The following RBM18 variants were observed in gnomAD, a reference collection of about 807,000 sequenced individuals.
RBM18 encodes probable RNA-binding protein 18.
In RBM18, 18 loss-of-function variants were observed where a neutral mutation model predicts 26.4. The ratio of observed to expected loss-of-function variants is 0.68; its 90% CI spans 0.47 to 1.01. The LOEUF (loss-of-function observed/expected upper bound fraction) is 1.01, where lower values mean the gene tolerates loss of function less well. Ranked by LOEUF, RBM18 falls within the 50% of genes least tolerant of loss-of-function variation. The pLI, the probability that RBM18 is intolerant of heterozygous loss-of-function variation, is 0.00. For missense variants in RBM18, 180 were observed against 219.2 expected (o/e 0.82, Z 1.13); for synonymous variants, 74 against 81.1 (o/e 0.91, Z 0.47).
intron 2 of RBM18, chr9:122,254,197 A>T (rs985566413): frequency 3.0e-5 from 6 of 201,216 alleles, no homozygotes; most frequent in Non-Finnish European, 5.2e-5. Context: ...ATTTACTCAG[A>T]AAAAAAAAAA....
intron 2 of RBM18, among the ~76,000 whole-genome samples, chr9:122,256,114 C>A (rs749832243): frequency 1.6e-4 from 24 of 152,134 alleles, no homozygotes; most frequent in Non-Finnish European, 3.1e-4. Context: ...CTGCTAAACA[C>A]CCACAATGAG....
At position 122,241,057 on chromosome 9, in the gene RBM18, C is replaced by G. The variant is rs937524167; in HGVS notation, c.*827G>C. 6.6e-6 allele frequency: 1 copy of G among 152,168 alleles called. No homozygotes were observed. The highest frequency in any genetic ancestry group is 1.5e-5 in the Non-Finnish European group (1 of 68,032). 9.4% of individuals were successfully genotyped at this position (152,168 alleles called of 1,614,324 possible). A position where few individuals can be genotyped will look rare whatever the true frequency, so the allele number is the denominator to read the frequency against. On this transcript the variant is annotated 3_prime_UTR_variant, in exon 6 of 6. Transcript: ENST00000417201. ...GATATAATTCCAAACAGAACATTCT[C>G]ATGCTATAAAAACAATCCCATGCAA...
intron 5 of RBM18, among the ~76,000 whole-genome samples, chr9:122,242,409 T>C (rs911848974): frequency 2.6e-5 from 4 of 152,214 alleles, no homozygotes; most frequent in African/African-American, 4.8e-5. Context: ...ATATTCCTTA[T>C]TTTGCAGATG....
At chr9:122,246,757 A>G (rs531009547) in intron 4 of RBM18, among the ~76,000 whole-genome samples, 1 of 152,274 alleles carries the variant, frequency 6.6e-6, no homozygotes, top group South Asian at 2.1e-4. Context: ...GCTTAGAGCT[A>G]AAGATTTCAG....
intron 3 of RBM18, among the ~76,000 whole-genome samples, chr9:122,247,959 G>T (rs1175878362): frequency 6.6e-6 from 1 of 151,744 alleles, no homozygotes; most frequent in African/African-American, 2.4e-5. Context: ...TAATTTTTTT[G>T]TATTTTTTAG....
chr9:122,262,375 AATACACCTAGAGC>A (rs1415670622), intron 1 of RBM18, among the ~76,000 whole-genome samples: 63 of 152,334 alleles, frequency 4.1e-4, no homozygotes, highest in African/African-American at 1.5e-3. Flanking sequence ...TCACTGAGTT[AATACACCTAGAGC>A]ATTTAGAACC....
At chr9:122,249,215 A>G (rs562572597) in intron 3 of RBM18, among the ~76,000 whole-genome samples, 28 of 152,214 alleles carry the variant, frequency 1.8e-4, no homozygotes, top group Non-Finnish European at 3.1e-4. Context: ...ACTTTCATCT[A>G]TTCTCCCAAC....
At chr9:122,242,964 T>A (rs1831446099) in intron 5 of RBM18, among the ~76,000 whole-genome samples, 1 of 152,110 alleles carries the variant, frequency 6.6e-6, no homozygotes, top group South Asian at 2.1e-4. Flanking sequence ...GTAGCCGGGA[T>A]TACAGGTAGC....
At chr9:122,263,743 G>C (rs1023564348) in intron 1 of RBM18, among the ~76,000 whole-genome samples, 3 of 152,166 alleles carry the variant, frequency 2.0e-5, no homozygotes, top group African/African-American at 7.2e-5. Context: ...AGGACATTCT[G>C]ATTTTCTCAT....
chr9:122,238,195 G>T lies in RBM18; in HGVS notation c.*3689C>A, dbSNP rs185255959. ...AAGGCCCTTTGGCTCTCAAATACCA[G>T]AATTCTTGTAGTTTATCCAACAAAT... On this transcript the variant is annotated 3_prime_UTR_variant, in exon 6 of 6. Transcript: ENST00000417201. 6.6e-6 allele frequency: 1 copy of T among 152,182 alleles called. No individual in the cohort carries two copies. Among genetic ancestry groups the T allele is most frequent in the Non-Finnish European group, 1.5e-5 (1 of 68,054 alleles). 9.4% of individuals were successfully genotyped at this position (152,182 alleles called of 1,614,324 possible). A position where few individuals can be genotyped will look rare whatever the true frequency, so the allele number is the denominator to read the frequency against.
intron 1 of RBM18, among the ~76,000 whole-genome samples, chr9:122,262,937 C>T (rs1831835287): frequency 6.6e-6 from 1 of 152,132 alleles, no homozygotes; most frequent in Non-Finnish European, 1.5e-5. Context: ...TCAGTTTACC[C>T]ATCTTTAATA....
In RBM18 at chr9:122,240,232, A is replaced by G. The variant is rs1370072474; in HGVS notation, c.*1652T>C. On this transcript the variant is annotated 3_prime_UTR_variant, in exon 6 of 6. Transcript: ENST00000417201. ...TTACGGATAAAATGGTGAATTCTAT[A>G]CTCCAAGAAGTCACCAGAAAAATGG... 2.0e-5 allele frequency: 3 copies of G among 152,184 alleles called. No individual in the cohort carries two copies. The highest frequency in any genetic ancestry group is 4.4e-5 in the Non-Finnish European group (3 of 68,034). The allele number at this position is 152,184 out of a possible 1,614,324, so 9.4% of individuals were successfully genotyped here.
At chr9:122,255,944 T>C (rs561745307) in intron 2 of RBM18, among the ~76,000 whole-genome samples, 33 of 151,958 alleles carry the variant, frequency 2.2e-4, no homozygotes, top group African/African-American at 7.5e-4. Context: ...GGTGGGAGGA[T>C]TGCTTGAGGC....
intron 5 of RBM18, among the ~76,000 whole-genome samples, chr9:122,242,751 G>A (rs1831442672): frequency 6.6e-6 from 1 of 151,734 alleles, no homozygotes; most frequent in Admixed American, 6.6e-5. Context: ...TTGAACTCCT[G>A]AGCTCAAGCA....
At chr9:122,260,745 T>G (rs1564459593) in intron 2 of RBM18, among the ~76,000 whole-genome samples, 2 of 152,204 alleles carry the variant, frequency 1.3e-5, no homozygotes, top group East Asian at 1.9e-4. Context: ...TTTGGTTCCA[T>G]CTCTTCTCCC....
intron 3 of RBM18, among the ~76,000 whole-genome samples, chr9:122,251,381 G>A (rs1265680742): frequency 6.6e-6 from 1 of 152,192 alleles, no homozygotes; most frequent in African/African-American, 2.4e-5. Flanking sequence ...GAAGGTGAAT[G>A]CGCTCTTCTA....
chr9:122,246,277 G>A (rs1831504111), intron 4 of RBM18, among the ~76,000 whole-genome samples: 1 of 152,114 alleles, frequency 6.6e-6, no homozygotes, highest in Admixed American at 6.6e-5. Flanking sequence ...CAAAGTGCTG[G>A]GATTACAGGC....
chr9:122,260,101 C>T (rs183854423), intron 2 of RBM18, among the ~76,000 whole-genome samples: 1 of 152,056 alleles, frequency 6.6e-6, no homozygotes, highest in Admixed American at 6.5e-5. Flanking sequence ...AATCCCAGCA[C>T]TTTGGGAGGC....
intron 3 of RBM18, among the ~76,000 whole-genome samples, chr9:122,247,816 C>T (rs1831529487): frequency 1.6e-5 from 2 of 123,452 alleles, no homozygotes; most frequent in Admixed American, 1.1e-4. Context: ...TGGAGTCTTG[C>T]TCTGTCGCCA....
Sources: allele counts gnomAD v4.1 joint callset (sites outside exome capture counted in the v4.1 genomes callset), GRCh38; gene constraint gnomAD v4.1.1; transcripts MANE v1.5; gene names NCBI Gene and HGNC (gene_info 2026-07-23, HGNC 2026-07-21).